RYR3: variants seen among roughly 807,000 people sequenced by gnomAD.
RYR3 encodes brain ryanodine receptor-calcium release channel.
Under a neutral mutation model 584.3 loss-of-function variants are expected in RYR3, and 207 were observed. That is an observed-to-expected ratio of 0.35 (90% CI 0.32 to 0.40). The LOEUF (loss-of-function observed/expected upper bound fraction) is 0.40. RYR3 is among the 10% of genes least tolerant of loss of function. The pLI, the probability that RYR3 is intolerant of heterozygous loss-of-function variation, is 1.00. For missense variants in RYR3, 5,616 were observed against 6,089.2 expected (o/e 0.92, Z 2.59); for synonymous variants, 2,416 against 2,248.5 (o/e 1.07, Z -2.11).
Position 33,390,127 on chromosome 15 carries a change from CTG to C in RYR3, c.51+79033_51+79034del, listed in dbSNP as rs972242486. 1.3e-5 allele frequency among the ~76,000 whole-genome samples: 2 copies of C among 152,198 alleles called. No homozygotes were observed. Among genetic ancestry groups the C allele is most frequent in the African/African-American group, 4.8e-5 (2 of 41,450 alleles). ...ATGAATTGGCTTCACTGCTGGAAAT[CTG>C]TACTGTTATTCCAAGCAGAGTCTCG... On this transcript the variant is annotated intron_variant, in intron 1 of 103. Transcript: ENST00000634891. This position sits in a 1 kb window ranked among gnomAD's most constrained non-coding sequence, Gnocchi z 4.2.
intron 1 of RYR3, among the ~76,000 whole-genome samples, chr15:33,384,073 G>A (rs2339269): frequency 0.73 from 111,511 of 152,004 alleles, 41,028 homozygotes; most frequent in Non-Finnish European, 0.76. Flanking sequence ...AATGGCTTTT[G>A]TCCTGTGCAC....
rs768985510 is a variant in RYR3 at position 33,718,659 on chromosome 15, A to C, written c.6620-4056A>C. 2.4e-4 allele frequency among the ~76,000 whole-genome samples: 36 copies of C among 152,348 alleles called. No homozygotes were observed. In the Middle Eastern group the frequency reaches 0.014, roughly 58 times the overall value. On this transcript the variant is annotated intron_variant, in intron 43 of 103. Coordinates refer to ENST00000634891, the MANE Select transcript of RYR3 (RefSeq NM_001036.6). ...TTAAAACAGGAACTAGAGTTAGAAC[A>C]CAGAGAGTGAGAAAAGTGATGGGCT...
chr15:33,835,101 ATTG>A, intron 87 of RYR3, 29 bp downstream of exon 87: 1 of 1,525,820 alleles, frequency 6.6e-7, no homozygotes, highest in Non-Finnish European at 9.1e-7. Context: ...TGCACGTGTC[ATTG>A]TTGTGAAATG....
chr15:33,551,856 C>G (rs1291761747), intron 10 of RYR3, among the ~76,000 whole-genome samples: 1 of 152,084 alleles, frequency 6.6e-6, no homozygotes, highest in Non-Finnish European at 1.5e-5. Flanking sequence ...GTGCAACTTT[C>G]TGAAAGATTC....
chr15:33,435,160 A>G (rs944369932), intron 1 of RYR3, among the ~76,000 whole-genome samples: 3 of 151,908 alleles, frequency 2.0e-5, no homozygotes, highest in South Asian at 2.1e-4. Flanking sequence ...CAGGTTTGTT[A>G]TTATAGGTAA....
At chr15:33,550,380 A>C in intron 10 of RYR3, 64 bp downstream of exon 10, 1 of 1,489,296 alleles carries the variant, frequency 6.7e-7, no homozygotes, top group Non-Finnish European at 9.0e-7. Context: ...ACCTCCAGGC[A>C]GAACTATAAC....
chr15:33,613,138 T>C, intron 18 of RYR3, 45 bp from the exon 19 acceptor site: 1 of 1,491,940 alleles, frequency 6.7e-7, no homozygotes, highest in Non-Finnish European at 9.3e-7. Flanking sequence ...GCCTAGCAGG[T>C]GCCTCCAGAG....
At chr15:33,666,231 C>T (rs1289182216) in intron 36 of RYR3, among the ~76,000 whole-genome samples, 1 of 152,126 alleles carries the variant, frequency 6.6e-6, no homozygotes, top group Non-Finnish European at 1.5e-5. Flanking sequence ...GTCTCGAACT[C>T]CTGACCTCAA....
Position 33,854,805 on chromosome 15 carries a change from C to G in RYR3, c.13900C>G (p.Leu4634Val). 6.2e-7 allele frequency: 1 copy of G among 1,613,692 alleles called. No homozygotes were observed. Among genetic ancestry groups the G allele is most frequent in the Non-Finnish European group, 8.5e-7 (1 of 1,179,774 alleles). The change falls in exon 98 of 104, where the codon CTG becomes GTG. Residue 4634 changes from leucine (L) to valine (V), a missense_variant. This residue lies in a region of RYR3 where 918 missense variants were observed against 887.4 expected (regional missense o/e 1.03). Coordinates refer to ENST00000634891, the MANE Select transcript of RYR3 (RefSeq NM_001036.6). The part of the protein sequence containing the change: ...YLAWYTTMSV[L>V]GHYNNFFFAA... The stretch of plus-strand genomic sequence containing the variant: ...TGCCTGGTATACAACCATGTCAGTC[C>G]TGGGCCACTACAATAACTTCTTCTT...
chr15:33,836,000 G>C (rs1437557530), intron 87 of RYR3, among the ~76,000 whole-genome samples: 2 of 152,080 alleles, frequency 1.3e-5, no homozygotes, highest in Non-Finnish European at 1.5e-5. Flanking sequence ...TCACAGCTCT[G>C]ATATCCTACA....
chr15:33,449,727 A>C (rs1290524791), intron 1 of RYR3, among the ~76,000 whole-genome samples: 2 of 152,224 alleles, frequency 1.3e-5, no homozygotes, highest in Non-Finnish European at 2.9e-5. Context: ...TTTTGCAATA[A>C]CGTCAAGAGA....
At chr15:33,785,368 C>T (rs2074640240) in intron 65 of RYR3, among the ~76,000 whole-genome samples, 1 of 152,182 alleles carries the variant, frequency 6.6e-6, no homozygotes, top group Non-Finnish European at 1.5e-5. Context: ...GGCTTCATCG[C>T]AGGATAGTCT....
At chr15:33,656,282 C>T (rs1184019333) in intron 32 of RYR3, among the ~76,000 whole-genome samples, 2 of 152,296 alleles carry the variant, frequency 1.3e-5, no homozygotes, top group African/African-American at 2.4e-5. Context: ...AGTGGCATAC[C>T]ACGGCAGTGC....
chr15:33,515,554 ACTT>A (rs113803608), intron 3 of RYR3, among the ~76,000 whole-genome samples: 1 of 152,166 alleles, frequency 6.6e-6, no homozygotes, highest in African/African-American at 2.4e-5. Context: ...TCCCTTCTGA[ACTT>A]CTTACTATGT....
At chr15:33,434,820 T>C (rs1166109081) in intron 1 of RYR3, among the ~76,000 whole-genome samples, 2 of 152,116 alleles carry the variant, frequency 1.3e-5, no homozygotes, top group Non-Finnish European at 2.9e-5. Context: ...TTTACATTTT[T>C]TGTTGTTGTT....
chr15:33,581,539 A>G lies in RYR3; in HGVS notation c.1469A>G (p.Asp490Gly). The G allele has an allele frequency of 6.2e-7, 1 of 1,613,642 alleles. No individual in the cohort carries two copies. Among genetic ancestry groups the G allele is most frequent in the East Asian group, 2.2e-5 (1 of 44,868 alleles). The stretch of plus-strand genomic sequence containing the variant: ...TTGGCCCTTGTCTTAAATTGCATTG[A>G]CCGCTTAAATGTCTACAATAGCGTA... ...GMLALVLNCI[D>G]RLNVYNSVAH... Residue 490 changes from aspartate to glycine, a missense_variant, in exon 14 of 104, where the codon GAC becomes GGC. By Grantham distance (94) the Asp-to-Gly change is moderately conservative. Around this residue, in one of 9 missense-constraint regions of RYR3, gnomAD observed 1,284 missense variants for 1,344.6 expected, o/e 0.95. Transcript: ENST00000634891.
chr15:33,731,405 C>T, intron 47 of RYR3, 69 bp from the exon 48 acceptor site: 1 of 1,148,978 alleles, frequency 8.7e-7, no homozygotes, highest in Non-Finnish European at 1.3e-6. Context: ...TACATGGGAA[C>T]TCTGTGCAGA....
At chr15:33,794,207 TATAC>T (rs1596626203) in intron 67 of RYR3, among the ~76,000 whole-genome samples, 1 of 90,142 alleles carries the variant, frequency 1.1e-5, no homozygotes, top group East Asian at 6.8e-4. Context: ...TATACACAAA[TATAC>T]ATTATATATA....
intron 69 of RYR3, among the ~76,000 whole-genome samples, chr15:33,806,128 T>TC (rs1380813006): frequency 6.6e-6 from 1 of 152,186 alleles, no homozygotes; most frequent in Admixed American, 6.5e-5. Flanking sequence ...GACAAGAGCT[T>TC]CCCATGGCCC....
Sources: gnomAD v4.1 joint callset for allele counts (sites outside exome capture counted in the v4.1 genomes callset) on GRCh38, gnomAD v4.1.1 for gene constraint, gnomAD v4.1.1 regional missense constraint, Gnocchi (gnomAD v3.1) non-coding constraint, MANE v1.5 for transcripts, NCBI Gene and HGNC (gene_info 2026-07-23, HGNC 2026-07-21) for gene names.